Variants in ZCWPW2 observed in about 807,000 individuals in gnomAD.
ZCWPW2 encodes zinc finger CW-type and PWWP domain containing 2.
A neutral mutation model predicts 46.6 loss-of-function variants in ZCWPW2; 45 were observed. The ratio of observed to expected loss-of-function variants is 0.96; its 90% confidence interval spans 0.76 to 1.24. The LOEUF (loss-of-function observed/expected upper bound fraction) is 1.24, where lower values mean the gene tolerates loss of function less well. Ranked by LOEUF, ZCWPW2 falls within the 50% of genes most tolerant of loss-of-function variation. The pLI is 0.00. For missense variants in ZCWPW2, 429 were observed against 403.9 expected (o/e 1.06, Z -0.53); for synonymous variants, 152 against 137.1 (o/e 1.11, Z -0.76).
chr3:28,508,134 C>T (rs1194161751), intron 6 of ZCWPW2, among the ~76,000 whole-genome samples: 1 of 152,012 alleles, frequency 6.6e-6, no homozygotes, highest in Non-Finnish European at 1.5e-5. Flanking sequence ...TTTTTAACAA[C>T]CAACCGTAGT....
chr3:28,358,567 A>T (rs1401881838), intron 1 of ZCWPW2, among the ~76,000 whole-genome samples: 1 of 152,128 alleles, frequency 6.6e-6, no homozygotes, highest in Non-Finnish European at 1.5e-5. Context: ...TTTTCAAGGG[A>T]ATCTTATATG....
intron 1 of ZCWPW2, among the ~76,000 whole-genome samples, chr3:28,358,838 C>A (rs189125786): frequency 6.6e-6 from 1 of 151,110 alleles, no homozygotes; most frequent in East Asian, 1.9e-4. Flanking sequence ...CTCATTTTAC[C>A]CCCCCCAACA....
At chr3:28,452,870 T>C (rs1698279733) in intron 4 of ZCWPW2, among the ~76,000 whole-genome samples, 1 of 152,158 alleles carries the variant, frequency 6.6e-6, no homozygotes, top group Admixed American at 6.5e-5. Context: ...TGACTTAAGA[T>C]CATATATAGA....
chr3:28,481,052 A>G (rs1699411644), intron 5 of ZCWPW2, among the ~76,000 whole-genome samples: 1 of 151,812 alleles, frequency 6.6e-6, no homozygotes, highest in Non-Finnish European at 1.5e-5. Context: ...TCTTTAGTAG[A>G]GATGGGGTTT....
chr3:28,429,773 C>T (rs1236493205), intron 3 of ZCWPW2, among the ~76,000 whole-genome samples: 1 of 152,148 alleles, frequency 6.6e-6, no homozygotes, highest in Non-Finnish European at 1.5e-5. Flanking sequence ...CCAGCCATGG[C>T]TAAAAGGGGT....
chr3:28,379,936 T>C (rs1278171982), intron 1 of ZCWPW2, among the ~76,000 whole-genome samples: 1 of 152,054 alleles, frequency 6.6e-6, no homozygotes, highest in Non-Finnish European at 1.5e-5. Flanking sequence ...ATTAAGTAAG[T>C]CAAGTTTATT....
intron 1 of ZCWPW2, among the ~76,000 whole-genome samples, chr3:28,359,469 C>G (rs1704857967): frequency 6.6e-6 from 1 of 151,926 alleles, no homozygotes; most frequent in Non-Finnish European, 1.5e-5. Flanking sequence ...ATGAGAGTGT[C>G]TTTGATTTCA....
intron 8 of ZCWPW2, 118 bp from the exon 9 acceptor site, chr3:28,520,874 A>G (rs1449560344): frequency 6.5e-6 from 8 of 1,225,082 alleles, no homozygotes; most frequent in African/African-American, 1.6e-5. Flanking sequence ...TATATGAAAC[A>G]TTTATATTTT....
Position 28,467,504 on chromosome 3 carries a change from G to A in ZCWPW2, c.493-11310G>A, listed in dbSNP as rs1698871817. ...CTATGGCATTGAGAGAACATAGGCA[G>A]TAGCCAGGTAGTGGTTACAGTGGGC... On this transcript the variant is annotated intron_variant, in intron 4 of 9. Transcript: ENST00000383768. Among the ~76,000 whole-genome samples, 3 of 142,118 alleles carry A rather than the reference G, an allele frequency of 2.1e-5. No homozygotes were observed. The South Asian group carries it at 6.2e-4, about 29-fold the overall frequency. The allele number at this position is 142,118 out of a possible 152,430, so 93.2% of individuals were successfully genotyped here. A position where few individuals can be genotyped will look rare whatever the true frequency, so the allele number is the denominator to read the frequency against.
chr3:28,393,848 G>T (rs552471438), intron 2 of ZCWPW2, among the ~76,000 whole-genome samples: 1 of 152,048 alleles, frequency 6.6e-6, no homozygotes, highest in Non-Finnish European at 1.5e-5. Flanking sequence ...GTGGGGAAAG[G>T]TCTAACGTTT....
chr3:28,522,289 G>C (rs544632551), intron 9 of ZCWPW2, among the ~76,000 whole-genome samples: 15 of 152,264 alleles, frequency 9.9e-5, no homozygotes, highest in African/African-American at 3.6e-4. Flanking sequence ...ACCAGGAAAA[G>C]TGCTTTGCAT....
At chr3:28,488,460 C>T (rs764744073) in intron 5 of ZCWPW2, among the ~76,000 whole-genome samples, 12 of 152,022 alleles carry the variant, frequency 7.9e-5, no homozygotes, top group Non-Finnish European at 1.2e-4. Context: ...TATGTTTTTA[C>T]GAAAATGCTC....
intron 4 of ZCWPW2, among the ~76,000 whole-genome samples, chr3:28,463,600 A>G (rs1208067245): frequency 2.6e-5 from 4 of 152,220 alleles, no homozygotes; most frequent in Non-Finnish European, 5.9e-5. Flanking sequence ...AGTGAGGTAC[A>G]AGAGTATGTA....
chr3:28,366,800 A>G (rs1381500251), intron 1 of ZCWPW2, among the ~76,000 whole-genome samples: 1 of 152,034 alleles, frequency 6.6e-6, no homozygotes, highest in East Asian at 1.9e-4. Flanking sequence ...GTAAGCTATT[A>G]ATTATTGCCT....
chr3:28,498,238 CGTGTGT>C (rs56760870), intron 6 of ZCWPW2, among the ~76,000 whole-genome samples: 23,480 of 145,398 alleles, frequency 0.16, 2,165 homozygotes, highest in East Asian at 0.45. Context: ...TACATATATA[CGTGTGT>C]GTGTGTGTGT....
intron 8 of ZCWPW2, among the ~76,000 whole-genome samples, chr3:28,519,191 A>T (rs55861012): frequency 0.028 from 4,222 of 152,258 alleles, 185 homozygotes; most frequent in African/African-American, 0.094. Flanking sequence ...ACATGAGAAC[A>T]TTTTATAAGA....
chr3:28,438,060 T>C (rs548803781), intron 4 of ZCWPW2, among the ~76,000 whole-genome samples: 4 of 152,330 alleles, frequency 2.6e-5, no homozygotes, highest in African/African-American at 9.6e-5. Flanking sequence ...TTCCCAGCCC[T>C]GTGGCAGACA....
intron 6 of ZCWPW2, among the ~76,000 whole-genome samples, chr3:28,512,299 T>A (rs2125832305): frequency 6.6e-6 from 1 of 152,210 alleles, no homozygotes; most frequent in Admixed American, 6.5e-5. Context: ...TGCCTCAGCC[T>A]CCCAAGTAGC....
rs543698875 is a variant in ZCWPW2 at position 28,431,075 on chromosome 3, C to G, written c.333-4035C>G. Among the ~76,000 whole-genome samples the G allele has an allele frequency of 4.7e-4, 71 of 152,172 alleles. 1 individual carries two copies. Among genetic ancestry groups the G allele is most frequent in the Non-Finnish European group, 9.3e-4 (63 of 67,988 alleles). ...ATTGATAATTTAACAGATTAATAAC[C>G]TACAGTCCTCAAATTCAAGCAATTT... is the stretch of plus-strand genomic sequence containing the variant. On this transcript the variant is annotated intron_variant, in intron 3 of 9. Coordinates refer to ENST00000383768, the MANE Select transcript of ZCWPW2 (RefSeq NM_001040432.4).
Sources: allele counts gnomAD v4.1 joint callset (sites outside exome capture counted in the v4.1 genomes callset), GRCh38; gene constraint gnomAD v4.1.1; transcripts MANE v1.5; gene names NCBI Gene and HGNC (gene_info 2026-07-23, HGNC 2026-07-21).